Variants in TSPAN9 observed in about 807,000 individuals in gnomAD.
TSPAN9 encodes tetraspanin 9, also known as tetraspanin-9.
Under a neutral mutation model 31.0 loss-of-function variants are expected in TSPAN9, and 16 were observed. The observed-to-expected ratio is 0.52, with a 90% confidence interval of 0.35 to 0.78. TSPAN9 has a LOEUF of 0.78. Among genes scored for constraint, TSPAN9 ranks in the 30% least tolerant of loss-of-function variants. TSPAN9 has a pLI of 0.01. For missense variants in TSPAN9, 272 were observed against 312.5 expected (o/e 0.87, Z 0.98); for synonymous variants, 145 against 121.6 (o/e 1.19, Z -1.27).
At chr12:3,127,351 T>C (rs1054221368) in intron 2 of TSPAN9, among the ~76,000 whole-genome samples, 6 of 151,904 alleles carry the variant, frequency 3.9e-5, no homozygotes. Context: ...TACTTAACTT[T>C]AAAGAAAAAT....
chr12:3,105,870 T>A (rs1565577484), intron 2 of TSPAN9, among the ~76,000 whole-genome samples: 1 of 142,644 alleles, frequency 7.0e-6, no homozygotes, highest in Non-Finnish European at 1.5e-5. Context: ...ACACACACGC[T>A]CACACACACA....
chr12:3,207,615 A>G (rs1022314752), intron 3 of TSPAN9, among the ~76,000 whole-genome samples: 1 of 152,188 alleles, frequency 6.6e-6, no homozygotes, highest in African/African-American at 2.4e-5. Flanking sequence ...GGTTTGATTC[A>G]GGTGGGGTCT....
At chr12:3,090,620 G>A (rs547329053) in intron 2 of TSPAN9, among the ~76,000 whole-genome samples, 1 of 152,380 alleles carries the variant, frequency 6.6e-6, no homozygotes, top group African/African-American at 2.4e-5. Flanking sequence ...CAAGTCATGG[G>A]ACCAGCAGAA....
At chr12:3,080,012 C>T (rs1167978511) in intron 1 of TSPAN9, among the ~76,000 whole-genome samples, 1 of 149,658 alleles carries the variant, frequency 6.7e-6, no homozygotes, top group African/African-American at 2.5e-5. Flanking sequence ...TGGTCTTGAA[C>T]TCCTGGCCTC....
intron 2 of TSPAN9, among the ~76,000 whole-genome samples, chr12:3,148,734 A>AC (rs1354625306): frequency 6.6e-6 from 1 of 152,184 alleles, no homozygotes; most frequent in African/African-American, 2.4e-5. Context: ...CTCAGAGGAG[A>AC]CCTGAGTCTC....
chr12:3,268,825 C>CT (rs1862602206), intron 3 of TSPAN9, among the ~76,000 whole-genome samples: 1 of 80,554 alleles, frequency 1.2e-5, no homozygotes, highest in Admixed American at 1.3e-4. Flanking sequence ...ACCTGCCCTC[C>CT]GTGCATTCCT....
At chr12:3,095,828 C>T (rs1418614099) in intron 2 of TSPAN9, among the ~76,000 whole-genome samples, 1 of 146,920 alleles carries the variant, frequency 6.8e-6, no homozygotes, top group Non-Finnish European at 1.5e-5. Context: ...GGCGGCCGGG[C>T]GGAGACGCTC....
At chr12:3,123,637 TG>T (rs35203731) in intron 2 of TSPAN9, among the ~76,000 whole-genome samples, 19,025 of 146,842 alleles carry the variant, frequency 0.13, 1,418 homozygotes, top group Middle Eastern at 0.22. Context: ...TTTTTTTTTT[TG>T]GGAAAAATTA....
chr12:3,136,795 G>T (rs545574965), intron 2 of TSPAN9, among the ~76,000 whole-genome samples: 1 of 152,124 alleles, frequency 6.6e-6, no homozygotes, highest in Admixed American at 6.5e-5. Context: ...GGTGGTGACC[G>T]CAGCCATCCG....
At chr12:3,145,209 G>A (rs1170615686) in intron 2 of TSPAN9, among the ~76,000 whole-genome samples, 5 of 152,140 alleles carry the variant, frequency 3.3e-5, no homozygotes, top group African/African-American at 1.2e-4. Flanking sequence ...TCAGGACCGC[G>A]ACTGCCCTTG....
intron 2 of TSPAN9, among the ~76,000 whole-genome samples, chr12:3,159,985 A>G (rs964619160): frequency 4.6e-5 from 7 of 152,192 alleles, no homozygotes; most frequent in Non-Finnish European, 8.8e-5. Context: ...CAATGGTTTA[A>G]TCTGTTCAAG....
chr12:3,079,938 TAA>T (rs199695336), intron 1 of TSPAN9, among the ~76,000 whole-genome samples: 3 of 143,988 alleles, frequency 2.1e-5, no homozygotes, highest in Non-Finnish European at 4.7e-5. Flanking sequence ...CTCAGATAAT[TAA>T]AAAAATTTTT....
intron 3 of TSPAN9, among the ~76,000 whole-genome samples, chr12:3,217,019 A>C (rs2098381745): frequency 6.6e-6 from 1 of 152,354 alleles, no homozygotes; most frequent in Non-Finnish European, 1.5e-5. Flanking sequence ...GGAGATGAGA[A>C]GTGGCAGACT....
intron 3 of TSPAN9, among the ~76,000 whole-genome samples, chr12:3,271,389 A>G (rs995518564): frequency 6.6e-6 from 1 of 152,158 alleles, no homozygotes; most frequent in African/African-American, 2.4e-5. Context: ...GCTGGGTCCT[A>G]CCATAGCTGG....
At chr12:3,099,439 G>A (rs148929546) in intron 2 of TSPAN9, among the ~76,000 whole-genome samples, 2,562 of 152,152 alleles carry the variant, frequency 0.017, 76 homozygotes, top group African/African-American at 0.055. Context: ...GCTTTGGAGC[G>A]TACTTACAAT....
chr12:3,266,120 A>C (rs1356999840), intron 3 of TSPAN9, among the ~76,000 whole-genome samples: 1 of 152,162 alleles, frequency 6.6e-6, no homozygotes, highest in African/African-American at 2.4e-5. Context: ...TTGTGTCTGC[A>C]CACTCTATCA....
At chr12:3,078,444 T>G (rs1488916604) in intron 1 of TSPAN9, among the ~76,000 whole-genome samples, 1 of 152,166 alleles carries the variant, frequency 6.6e-6, no homozygotes, top group Admixed American at 6.5e-5. Context: ...CCCTTCTCTT[T>G]ACTGAAAATA....
At chr12:3,180,555 A>C (rs1203173688) in intron 2 of TSPAN9, among the ~76,000 whole-genome samples, 1 of 152,222 alleles carries the variant, frequency 6.6e-6, no homozygotes, top group Non-Finnish European at 1.5e-5. Context: ...TGCAGTTTGA[A>C]AAGCATGGAT....
chr12:3,087,902 C>T (rs539943170), intron 2 of TSPAN9, among the ~76,000 whole-genome samples: 12 of 152,330 alleles, frequency 7.9e-5, no homozygotes, highest in Admixed American at 2.0e-4. Context: ...ACCCTGCTGA[C>T]GGCCTCTCCC....
Sources: gnomAD v4.1 joint callset for allele counts (sites outside exome capture counted in the v4.1 genomes callset) on GRCh38, gnomAD v4.1.1 for gene constraint, MANE v1.5 for transcripts, NCBI Gene and HGNC (gene_info 2026-07-23, HGNC 2026-07-21) for gene names.